GPR84: variants seen among roughly 807,000 people sequenced by gnomAD.
GPR84 encodes G protein-coupled receptor 84.
In GPR84, 8 loss-of-function variants were observed where a neutral mutation model predicts 14.9. That is an observed-to-expected ratio of 0.54 (90% CI 0.31 to 0.97). GPR84 has a LOEUF of 0.97. Ranked by LOEUF, GPR84 falls within the 50% of genes least tolerant of loss-of-function variation. The pLI is 0.04. For missense variants in GPR84, 424 were observed against 498.7 expected (o/e 0.85, Z 1.43); for synonymous variants, 164 against 198.1 (o/e 0.83, Z 1.45).
Position 54,362,689 on chromosome 12 carries a change from C to G in GPR84, c.1163G>C (p.Gly388Ala). The change falls in exon 2 of 2, where the codon GGG becomes GCG. Residue 388 changes from glycine to alanine, a missense_variant. By Grantham distance (60) the Gly-to-Ala change is moderately conservative (BLOSUM62 0). Transcript: ENST00000267015. The surrounding 1 kb of genome is among the most constrained non-coding windows in gnomAD (Gnocchi z 4.0). The part of the protein sequence containing the change: ...RQAYGSILKR[G>A]PRSFHRLH ...ATGGAGCCTATGGAAACTCCGGGGC[C>G]CTCTTTTTAAAATGGAGCCATATGC... 1.9e-6 allele frequency: 3 copies of G among 1,610,934 alleles called. No individual in the cohort carries two copies. The highest frequency in any genetic ancestry group is 1.7e-6 in the Non-Finnish European group (2 of 1,177,622).
chr12:54,362,285 C>T (rs945550405), downstream of GPR84, among the ~76,000 whole-genome samples: 1 of 152,168 alleles, frequency 6.6e-6, no homozygotes, highest in African/African-American at 2.4e-5. The surrounding 1 kb of genome is among the most constrained non-coding windows in gnomAD (Gnocchi z 4.0). Flanking sequence ...TAGGTTCCAG[C>T]TCCTGGTGGC....
chr12:54,356,071 C>T, the GPR84 span, among the ~76,000 whole-genome samples: 210 of 152,276 alleles, frequency 1.4e-3, 1 homozygote, highest in African/African-American at 4.9e-3. Context: ...GGCAATCAGG[C>T]ACCAACTGTT....
At position 54,362,982 on chromosome 12, in the gene GPR84, G is replaced by T. The variant is rs145479303; in HGVS notation, c.870C>A (p.Ser290Arg). The T allele has an allele frequency of 6.2e-7, 1 of 1,614,164 alleles. No individual in the cohort carries two copies. The highest frequency in any genetic ancestry group is 8.5e-7 in the Non-Finnish European group (1 of 1,180,028). ...SKRAKQMAEK[S>R]PPEASAKAQP... ...GGGCTTTGGCAGATGCTTCTGGAGGGCTTTTCTCTGCCATCTGCTTAGCTC... is the reference window on the plus strand; with the variant it reads ...GGGCTTTGGCAGATGCTTCTGGAGGTCTTTTCTCTGCCATCTGCTTAGCTC... Residue 290 changes from serine to arginine, a missense_variant, in exon 2 of 2, where the codon AGC becomes AGA. Ser to Arg is a moderately radical substitution (Grantham distance 110). Coordinates refer to ENST00000267015, the MANE Select transcript of GPR84 (RefSeq NM_020370.3). This position sits in a 1 kb window ranked among gnomAD's most constrained non-coding sequence, Gnocchi z 4.0.
rs755984213 is a variant in GPR84, at chr12:54,362,670, C to T, written c.1182G>A (p.Arg394=). Residue 394 remains arginine (R), a synonymous_variant, in exon 2 of 2, where the codon AGG becomes AGA. Coordinates refer to ENST00000267015, the MANE Select transcript of GPR84 (RefSeq NM_020370.3). The surrounding 1 kb of genome is among the most constrained non-coding windows in gnomAD (Gnocchi z 4.0). ...ILKRGPRSFH[R]LH ...GACTAGGGTCACAGTTCTAATGGAG[C>T]CTATGGAAACTCCGGGGCCCTCTTT... 6.9e-6 allele frequency: 11 copies of T among 1,601,736 alleles called. No homozygotes were observed. The highest frequency in any genetic ancestry group is 7.7e-6 in the Non-Finnish European group (9 of 1,171,414).
chr12:54,352,652 T>C, the GPR84 span, among the ~76,000 whole-genome samples: 5 of 151,842 alleles, frequency 3.3e-5, no homozygotes, highest in South Asian at 8.3e-4. Flanking sequence ...TGGGAAAGGA[T>C]GGGGGAAGGA....
At chr12:54,355,489 A>C in the GPR84 span, among the ~76,000 whole-genome samples, 2 of 152,092 alleles carry the variant, frequency 1.3e-5, no homozygotes. Context: ...CAGATGCTCA[A>C]GGGACCATTC....
At chr12:54,356,435 AG>A in the GPR84 span, among the ~76,000 whole-genome samples, 1 of 152,138 alleles carries the variant, frequency 6.6e-6, no homozygotes, top group Non-Finnish European at 1.5e-5. Context: ...GAGAGGGAAC[AG>A]TATGATCCAG....
At chr12:54,353,282 T>C in the GPR84 span, among the ~76,000 whole-genome samples, 1 of 152,214 alleles carries the variant, frequency 6.6e-6, no homozygotes, top group African/African-American at 2.4e-5. Context: ...TCTGTAAGCC[T>C]CTGTCTTTCT....
At chr12:54,356,168 G>C in the GPR84 span, among the ~76,000 whole-genome samples, 1 of 152,152 alleles carries the variant, frequency 6.6e-6, no homozygotes, top group Non-Finnish European at 1.5e-5. Context: ...CTCAAGAACA[G>C]GCCCTGGTTG....
At chr12:54,352,550 A>G in the GPR84 span, among the ~76,000 whole-genome samples, 1 of 151,960 alleles carries the variant, frequency 6.6e-6, no homozygotes, top group African/African-American at 2.4e-5. Flanking sequence ...TCTCCACTGC[A>G]GTTTGAAGGG....
downstream of GPR84, among the ~76,000 whole-genome samples, chr12:54,361,307 G>A (rs891338452): frequency 2.0e-5 from 3 of 151,878 alleles, no homozygotes; most frequent in Admixed American, 6.6e-5. The surrounding 1 kb of genome is among the most constrained non-coding windows in gnomAD (Gnocchi z 4.3). Flanking sequence ...TCAGCCTCCC[G>A]AGTAGCTGGG....
rs373049521 is a variant in GPR84, at chr12:54,363,653, G to T, written c.199C>A (p.Leu67Ile). The T allele has an allele frequency of 1.9e-6, 3 of 1,613,890 alleles. No homozygotes were observed. The African/African-American group carries it at 4.0e-5, about 22-fold the overall frequency. Residue 67 changes from leucine to isoleucine, a missense_variant, in exon 2 of 2, where the codon CTC becomes ATC. By Grantham distance (5) the Leu-to-Ile change is conservative (BLOSUM62 2). Transcript: ENST00000267015. The part of the protein sequence containing the change: ...LLIANLTLAD[L>I]LYCTLLQPFS... ...GGCTGAAGGAGCGTGCAGTAGAGGA[G>T]ATCAGCCAGTGTGAGGTTGGCTATG... is the stretch of plus-strand genomic sequence containing the variant.
chr12:54,359,464 T>G (rs1954246582), downstream of GPR84, among the ~76,000 whole-genome samples: 2 of 9,654 alleles, frequency 2.1e-4, no homozygotes, highest in African/African-American at 3.4e-4. Context: ...GAGACGAGCT[T>G]AGGAGAAAAA....
chr12:54,355,376 G>A, the GPR84 span, among the ~76,000 whole-genome samples: 1 of 151,420 alleles, frequency 6.6e-6, no homozygotes, highest in Non-Finnish European at 1.5e-5. Context: ...TTTGCACAGG[G>A]GTCTGCGGTA....
Position 54,363,688 on chromosome 12 carries a change from A to G in GPR84, c.164T>C (p.Phe55Ser), listed in dbSNP as rs1474120698. ...LAIQPKLRTR[F>S]NLLIANLTLA... ...TGTGAGGTTGGCTATGAGCAGGTTG[A>G]ATCGGGTACGGAGCTTGGGCTGGAT... The change falls in exon 2 of 2, where the codon TTC becomes TCC. Residue 55 changes from phenylalanine to serine, a missense_variant. Phe to Ser is a radical substitution (Grantham distance 155). Transcript: ENST00000267015. The G allele has an allele frequency of 6.2e-7, 1 of 1,614,080 alleles. No homozygotes were observed. Among genetic ancestry groups the G allele is most frequent in the Admixed American group, 1.7e-5 (1 of 59,998 alleles).
the GPR84 span, among the ~76,000 whole-genome samples, chr12:54,354,525 C>G: frequency 6.6e-6 from 1 of 151,402 alleles, no homozygotes; most frequent in Admixed American, 6.6e-5. Flanking sequence ...CTCCGCCTCC[C>G]GGGTTCAAGC....
rs775883373 is a variant in GPR84 at position 54,362,812 on chromosome 12, G to T, written c.1040C>A (p.Ala347Asp). The change falls in exon 2 of 2, where the codon GCT becomes GAT. Residue 347 changes from alanine (A) to aspartate (D), a missense_variant. By Grantham distance (126) the Ala-to-Asp change is moderately radical. Transcript: ENST00000267015. The surrounding 1 kb of genome is among the most constrained non-coding windows in gnomAD (Gnocchi z 4.0). ...AGCAAGCATGTGGACCACCCGGGGA[G>T]CCTGGACTCTGGCATCCAGAATGTT... Reference protein sequence around the residue: ...LLNILDARVQAPRVVHMLAAN... With the variant: ...LLNILDARVQDPRVVHMLAAN... 4.3e-6 allele frequency: 7 copies of T among 1,614,084 alleles called. No homozygotes were observed. The South Asian group carries it at 5.5e-5, about 13-fold the overall frequency.
In GPR84 at chr12:54,362,634, T is replaced by C; in HGVS notation, c.*27A>G. The C allele has an allele frequency of 6.7e-7, 1 of 1,487,512 alleles. No individual in the cohort carries two copies. The highest frequency in any genetic ancestry group is 9.2e-7 in the Non-Finnish European group (1 of 1,083,354). The allele number at this position is 1,487,512 out of a possible 1,614,324, so 92.1% of individuals were successfully genotyped here. On this transcript the variant is annotated 3_prime_UTR_variant, in exon 2 of 2. Transcript: ENST00000267015. The surrounding 1 kb of genome is among the most constrained non-coding windows in gnomAD (Gnocchi z 4.0). Reference sequence around the variant, plus strand: ...ACTTTGGTCCTGGAGGAGACAGTCCTGAATTCTGGTGACTAGGGTCACAGT... The same window carrying C: ...ACTTTGGTCCTGGAGGAGACAGTCCCGAATTCTGGTGACTAGGGTCACAGT...
chr12:54,361,444 C>G (rs1462857408), downstream of GPR84, among the ~76,000 whole-genome samples: 1 of 152,142 alleles, frequency 6.6e-6, no homozygotes, highest in Admixed American at 6.5e-5. This position sits in a 1 kb window ranked among gnomAD's most constrained non-coding sequence, Gnocchi z 4.3. Context: ...GATCTCGGCT[C>G]ACTGTACCCT....
Sources: allele counts gnomAD v4.1 joint callset (sites outside exome capture counted in the v4.1 genomes callset), GRCh38; gene constraint gnomAD v4.1.1; non-coding constraint Gnocchi (gnomAD v3.1); transcripts MANE v1.5; gene names NCBI Gene and HGNC (gene_info 2026-07-23, HGNC 2026-07-21).